Variants in NTRK3 observed in about 807,000 individuals in gnomAD.
NTRK3 encodes NT-3 growth factor receptor.
In NTRK3, 24 loss-of-function variants were observed where a neutral mutation model predicts 91.7. The ratio of observed to expected loss-of-function variants is 0.26; its 90% CI spans 0.19 to 0.37. The LOEUF (loss-of-function observed/expected upper bound fraction) is 0.37. Ranked by LOEUF, NTRK3 falls within the 10% of genes least tolerant of loss-of-function variation. The pLI is 1.00. For missense variants in NTRK3, 880 were observed against 1,068.9 expected, an observed-to-expected ratio of 0.82 and a Z score of 2.46; for synonymous variants, 483 against 404.0, an observed-to-expected ratio of 1.20 and a Z score of -2.34.
At chr15:88,222,391 C>G (rs1303499902) in intron 3 of NTRK3, among the ~76,000 whole-genome samples, 1 of 152,184 alleles carries the variant, frequency 6.6e-6, no homozygotes, top group African/African-American at 2.4e-5. Flanking sequence ...GCAAGAAAAG[C>G]AGCTCTAGTG....
At chr15:87,952,607 G>C (rs1011191156) in intron 14 of NTRK3, among the ~76,000 whole-genome samples, 2 of 152,160 alleles carry the variant, frequency 1.3e-5, no homozygotes, top group African/African-American at 2.4e-5. Context: ...TATCTTGGCC[G>C]CCGGCTCACC....
At chr15:88,054,757 T>G (rs1453889244) in intron 13 of NTRK3, among the ~76,000 whole-genome samples, 2 of 152,084 alleles carry the variant, frequency 1.3e-5, no homozygotes, top group East Asian at 3.9e-4. Context: ...ATATTGATGA[T>G]GATGATGATG....
At chr15:87,937,576 G>T (rs78244453) in intron 15 of NTRK3, among the ~76,000 whole-genome samples, 1 of 152,096 alleles carries the variant, frequency 6.6e-6, no homozygotes, top group Non-Finnish European at 1.5e-5. Context: ...GAACCCAAAA[G>T]CTGCCCAGGG....
chr15:87,937,918 T>C (rs888542100), intron 15 of NTRK3, among the ~76,000 whole-genome samples: 22 of 150,796 alleles, frequency 1.5e-4, no homozygotes, highest in African/African-American at 5.1e-4. Flanking sequence ...AATTCATGAA[T>C]CAGAAGACCA....
rs548404919 is a variant in NTRK3 at position 87,871,381 on chromosome 15, A to G, written c.*5554T>C. ...ACCCAATGCAGTGACACAAACATTC[A>G]CCACACCTACTATGGTCAGCAGTGC... On this transcript the variant is annotated 3_prime_UTR_variant, in exon 19 of 19. Coordinates refer to ENST00000394480, the Ensembl canonical transcript of NTRK3. 31 of 231,284 alleles carry G rather than the reference A, an allele frequency of 1.3e-4. 1 individual carries two copies. In the South Asian group the frequency reaches 4.9e-3, roughly 37 times the overall value. 14.3% of individuals were successfully genotyped at this position (231,284 alleles called of 1,614,324 possible).
At chr15:88,018,681 C>T (rs956102328) in intron 14 of NTRK3, among the ~76,000 whole-genome samples, 1 of 152,120 alleles carries the variant, frequency 6.6e-6, no homozygotes, top group Non-Finnish European at 1.5e-5. Context: ...TTTAACCATT[C>T]CCTGTGCCTC....
At chr15:88,047,949 T>G (rs1280388666) in intron 13 of NTRK3, among the ~76,000 whole-genome samples, 3 of 152,206 alleles carry the variant, frequency 2.0e-5, no homozygotes, top group African/African-American at 7.2e-5. Flanking sequence ...ATATCACAAG[T>G]AAAGCAGTGA....
At chr15:87,916,898 G>T (rs1257265920) in intron 17 of NTRK3, among the ~76,000 whole-genome samples, 1 of 151,914 alleles carries the variant, frequency 6.6e-6, no homozygotes, top group Non-Finnish European at 1.5e-5. Flanking sequence ...AAGCATGTGG[G>T]ACTACAGGTA....
chr15:88,009,493 C>A (rs75383369), intron 14 of NTRK3, among the ~76,000 whole-genome samples: 4,475 of 152,258 alleles, frequency 0.029, 239 homozygotes, highest in African/African-American at 0.1. Context: ...TTTGACAGAT[C>A]CTTCTATCTT....
chr15:88,151,366 T>A (rs2043360744), intron 5 of NTRK3, among the ~76,000 whole-genome samples: 2 of 152,138 alleles, frequency 1.3e-5, no homozygotes, highest in Admixed American at 1.3e-4. Flanking sequence ...GACACACAGA[T>A]GGCTGAACCC....
chr15:88,033,345 C>T (rs1009421561), intron 13 of NTRK3, among the ~76,000 whole-genome samples: 4 of 150,426 alleles, frequency 2.7e-5, no homozygotes, highest in African/African-American at 9.8e-5. Context: ...GAGTCTCTCT[C>T]CATCACCCAG....
At chr15:87,962,726 C>T (rs1211870439) in intron 14 of NTRK3, among the ~76,000 whole-genome samples, 1 of 152,158 alleles carries the variant, frequency 6.6e-6, no homozygotes, top group Non-Finnish European at 1.5e-5. Flanking sequence ...ATGCCCCACC[C>T]GATGTGTTCC....
At chr15:88,053,483 C>G (rs1031123003) in intron 13 of NTRK3, among the ~76,000 whole-genome samples, 3 of 152,314 alleles carry the variant, frequency 2.0e-5, no homozygotes, top group East Asian at 3.9e-4. Context: ...CTGTACTTCA[C>G]TCTGAATTTG....
At chr15:87,923,994 C>T (rs1461421615) in intron 17 of NTRK3, among the ~76,000 whole-genome samples, 1 of 152,132 alleles carries the variant, frequency 6.6e-6, no homozygotes, top group Non-Finnish European at 1.5e-5. Flanking sequence ...AAATCTCTTT[C>T]TTTAATAAAT....
chr15:87,894,041 C>T (rs137985314), intron 17 of NTRK3, among the ~76,000 whole-genome samples: 1 of 152,246 alleles, frequency 6.6e-6, no homozygotes, highest in Admixed American at 6.5e-5. Context: ...ATGGTAAGTG[C>T]CATTTTTTTA....
chr15:88,201,911 A>ATAAAATACAT (rs1384822081), intron 3 of NTRK3, among the ~76,000 whole-genome samples: 4 of 152,250 alleles, frequency 2.6e-5, no homozygotes, highest in South Asian at 4.1e-4. Flanking sequence ...TAACAACTTT[A>ATAAAATACAT]TAAAATACAT....
At chr15:88,020,916 T>C (rs1043898520) in intron 14 of NTRK3, among the ~76,000 whole-genome samples, 3 of 152,232 alleles carry the variant, frequency 2.0e-5, no homozygotes, top group East Asian at 1.9e-4. Context: ...TTCCCAACAA[T>C]TGTTTGGAAA....
At chr15:88,012,649 G>C (rs1401706577) in intron 14 of NTRK3, among the ~76,000 whole-genome samples, 1 of 152,182 alleles carries the variant, frequency 6.6e-6, no homozygotes, top group Non-Finnish European at 1.5e-5. Flanking sequence ...CTTAATGGAT[G>C]CTCAATAAAT....
exon 4 of NTRK3, chr15:88,184,280 T>C (rs756950618): frequency 3.1e-6 from 5 of 1,614,118 alleles, no homozygotes; most frequent in Non-Finnish European, 4.2e-6. Context: ...GTGTGAAGAC[T>C]GCGCCAGTTC....
Sources: gnomAD v4.1 joint callset for allele counts (sites outside exome capture counted in the v4.1 genomes callset) on GRCh38, gnomAD v4.1.1 for gene constraint, MANE v1.5 for transcripts, NCBI Gene and HGNC (gene_info 2026-07-23, HGNC 2026-07-21) for gene names.